Variants in APCDD1 observed in about 807,000 individuals in gnomAD.
APCDD1 encodes protein APCDD1.
In APCDD1, 15 loss-of-function variants were observed where a neutral mutation model predicts 38.1. The observed-to-expected ratio is 0.39, with a 90% CI of 0.26 to 0.61. APCDD1 has a LOEUF of 0.61. Among genes scored for constraint, APCDD1 ranks in the 20% least tolerant of loss-of-function variants. APCDD1 has a pLI of 0.49. For synonymous variants in APCDD1, 261 were observed against 279.7 expected (o/e 0.93, Z 0.67); for missense variants, 647 against 696.2 (o/e 0.93, Z 0.79).
chr18:10,454,706 G>C lies in APCDD1; in HGVS notation c.-276G>C. 3.0e-6 allele frequency: 3 copies of C among 983,972 alleles called. No homozygotes were observed. Among genetic ancestry groups the C allele is most frequent in the Non-Finnish European group, 3.6e-6 (3 of 829,936 alleles). 61.0% of individuals were successfully genotyped at this position (983,972 alleles called of 1,614,324 possible). A position where few individuals can be genotyped will look rare whatever the true frequency, so the allele number is the denominator to read the frequency against. On this transcript the variant is annotated 5_prime_UTR_variant, in exon 1 of 5. Coordinates refer to ENST00000355285, the MANE Select transcript of APCDD1 (RefSeq NM_153000.5). ...GAGCGGCGCACGCGGCGGCCGGGGCGGGACGCGGGGCCGGGCGCGGAGAAG... is the reference window on the plus strand; with the variant it reads ...GAGCGGCGCACGCGGCGGCCGGGGCCGGACGCGGGGCCGGGCGCGGAGAAG...
chr18:10,454,761 C>T lies in APCDD1; in HGVS notation c.-221C>T. On this transcript the variant is annotated 5_prime_UTR_variant, in exon 1 of 5. Transcript: ENST00000355285. ...GGCGGGCGGCAGAGAGGCCGGGACGCGGACCGGGCCGGGGCGCCCACAGCC... is the reference window on the plus strand; with the variant it reads ...GGCGGGCGGCAGAGAGGCCGGGACGTGGACCGGGCCGGGGCGCCCACAGCC... 1.0e-6 allele frequency: 1 copy of T among 980,324 alleles called. No individual in the cohort carries two copies. The highest frequency in any genetic ancestry group is 1.2e-6 in the Non-Finnish European group (1 of 828,032). The allele number at this position is 980,324 out of a possible 1,614,324, so 60.7% of individuals were successfully genotyped here. A position where few individuals can be genotyped will look rare whatever the true frequency, so the allele number is the denominator to read the frequency against.
Position 10,488,139 on chromosome 18 carries a change from G to T in APCDD1, c.*101G>T. 1 of 1,399,486 alleles carries T rather than the reference G, an allele frequency of 7.1e-7. No homozygotes were observed. The highest frequency in any genetic ancestry group is 2.4e-5 in the East Asian group (1 of 41,022). 86.7% of individuals were successfully genotyped at this position (1,399,486 alleles called of 1,614,324 possible). ...ATTTATTCTTTTGATGCACTTGAAT[G>T]CCAGAGAACTGTCCTTCTTTTTCTC... On this transcript the variant is annotated 3_prime_UTR_variant, in exon 5 of 5. Transcript: ENST00000355285.
chr18:10,459,318 A>G (rs2030468729), intron 1 of APCDD1, among the ~76,000 whole-genome samples: 4 of 146,690 alleles, frequency 2.7e-5, no homozygotes, highest in Non-Finnish European at 3.0e-5. Context: ...ACAAGCGTGC[A>G]CACACACACA....
chr18:10,480,003 T>A (rs2031098122), intron 3 of APCDD1, among the ~76,000 whole-genome samples: 1 of 152,220 alleles, frequency 6.6e-6, no homozygotes, highest in Non-Finnish European at 1.5e-5. Flanking sequence ...TGATGAAAGC[T>A]TTTTATAGTG....
At chr18:10,458,015 G>A (rs1020939317) in intron 1 of APCDD1, among the ~76,000 whole-genome samples, 3 of 152,212 alleles carry the variant, frequency 2.0e-5, no homozygotes, top group Admixed American at 2.0e-4. Flanking sequence ...TATGCAGCTG[G>A]AAGATGTCCA....
chr18:10,483,886 G>A (rs1422455863), intron 3 of APCDD1, among the ~76,000 whole-genome samples: 1 of 152,238 alleles, frequency 6.6e-6, no homozygotes, highest in Non-Finnish European at 1.5e-5. Flanking sequence ...CCCCTGGGTG[G>A]AAGGAGAATA....
rs762629902 is a variant in APCDD1 at position 10,471,651 on chromosome 18, C to T, written c.364C>T (p.Leu122Phe). The T allele has an allele frequency of 6.2e-6, 10 of 1,614,210 alleles. 1 individual carries two copies. In the South Asian group the frequency reaches 1.1e-4, roughly 18 times the overall value. ...CCGGTGCACAAATCCCACTTATACT[C>T]TCATCATCCGGGGCAAGATCCGCCT... Reference protein sequence around the residue: ...SNRCTNPTYTLIIRGKIRLRQ... With the variant: ...SNRCTNPTYTFIIRGKIRLRQ... The change falls in exon 3 of 5, where the codon CTC (leucine) becomes TTC (phenylalanine). Residue 122 changes from leucine (L) to phenylalanine (F), a missense_variant. By Grantham distance (22) the Leu-to-Phe change is conservative. Coordinates refer to ENST00000355285, the MANE Select transcript of APCDD1 (RefSeq NM_153000.5). This position sits in a 1 kb window ranked among gnomAD's most constrained non-coding sequence, Gnocchi z 5.5.
At chr18:10,460,590 C>G (rs1393913796) in intron 1 of APCDD1, among the ~76,000 whole-genome samples, 1 of 151,616 alleles carries the variant, frequency 6.6e-6, no homozygotes, top group Non-Finnish European at 1.5e-5. Flanking sequence ...AAATCAAGGA[C>G]TTGTACATGG....
Position 10,470,308 on chromosome 18 carries a change from C to T in APCDD1, c.243-1222C>T, listed in dbSNP as rs2030820318. ...ACTGCTTACACTAAACTTCTCTTTC[C>T]TTGTGGGAGAAATCTGGGGTGTTTG... is the stretch of plus-strand genomic sequence containing the variant. On this transcript the variant is annotated intron_variant, in intron 2 of 4. Coordinates refer to ENST00000355285, the MANE Select transcript of APCDD1 (RefSeq NM_153000.5). The surrounding 1 kb of genome is among the most constrained non-coding windows in gnomAD (Gnocchi z 4.1). Among the ~76,000 whole-genome samples the T allele has an allele frequency of 6.6e-6, 1 of 152,166 alleles. No individual in the cohort carries two copies. The highest frequency in any genetic ancestry group is 2.1e-4 in the South Asian group (1 of 4,832).
rs1253612457 is a variant in APCDD1, at chr18:10,475,138, G to C, written c.774+3077G>C. ...GCAAAGCTCCATCTCTCTTAACCTA[G>C]AGTAAGTCGCCCTTCTGGGCCAATG... On this transcript the variant is annotated intron_variant, in intron 3 of 4. Coordinates refer to ENST00000355285, the MANE Select transcript of APCDD1 (RefSeq NM_153000.5). The surrounding 1 kb of genome is among the most constrained non-coding windows in gnomAD (Gnocchi z 4.0). 6.6e-6 allele frequency among the ~76,000 whole-genome samples: 1 copy of C among 152,226 alleles called. No individual in the cohort carries two copies. Among genetic ancestry groups the C allele is most frequent in the African/African-American group, 2.4e-5 (1 of 41,448 alleles).
intron 3 of APCDD1, among the ~76,000 whole-genome samples, chr18:10,474,679 C>G (rs765726219): frequency 6.6e-6 from 1 of 152,188 alleles, no homozygotes; most frequent in South Asian, 2.1e-4. Flanking sequence ...CCTCTCTACC[C>G]CGTTGCACTC....
chr18:10,481,653 T>G (rs960547314), intron 3 of APCDD1, among the ~76,000 whole-genome samples: 1 of 150,202 alleles, frequency 6.7e-6, no homozygotes, highest in African/African-American at 2.5e-5. Context: ...TGGCAAATTC[T>G]ATGTTAGGTA....
chr18:10,480,407 C>G (rs1021705588), intron 3 of APCDD1, among the ~76,000 whole-genome samples: 2 of 152,182 alleles, frequency 1.3e-5, no homozygotes, highest in Non-Finnish European at 2.9e-5. Flanking sequence ...GTAGTTGTGC[C>G]TGTAGGTCTC....
Position 10,487,964 on chromosome 18 carries a change from A to G in APCDD1, c.1471A>G (p.Arg491Gly). ...GSSLYGRAPG[R>G]HTWSLLLAAL... ...CAGCCTGTATGGCCGGGCCCCTGGG[A>G]GGCACACCTGGTCCCTGCTGCTGGC... The change falls in exon 5 of 5, where the codon AGG (arginine) becomes GGG (glycine). Residue 491 changes from arginine (R) to glycine (G), a missense_variant. By Grantham distance (125) the Arg-to-Gly change is moderately radical. Coordinates refer to ENST00000355285, the MANE Select transcript of APCDD1 (RefSeq NM_153000.5). 1.2e-6 allele frequency: 2 copies of G among 1,613,820 alleles called. No individual in the cohort carries two copies. The highest frequency in any genetic ancestry group is 1.7e-6 in the Non-Finnish European group (2 of 1,179,992).
intron 1 of APCDD1, among the ~76,000 whole-genome samples, chr18:10,463,189 T>G (rs1046416422): frequency 6.6e-6 from 1 of 152,024 alleles, no homozygotes; most frequent in East Asian, 1.9e-4. Context: ...AGACCACTTC[T>G]GTTCCATATT....
chr18:10,459,232 T>TA (rs2030464730), intron 1 of APCDD1, among the ~76,000 whole-genome samples: 1 of 152,022 alleles, frequency 6.6e-6, no homozygotes, highest in Admixed American at 6.5e-5. Context: ...AGGGAAGAAA[T>TA]ACTGATTGTA....
chr18:10,468,538 C>G lies in APCDD1; in HGVS notation c.128C>G (p.Ala43Gly). Residue 43 changes from alanine (A) to glycine (G), a missense_variant, in exon 2 of 5, where the codon GCC (alanine) becomes GGC (glycine). Transcript: ENST00000355285. The part of the protein sequence containing the change: ...RSHPRSLEKS[A>G]WRAFKESQCH... ...CATCCTAGGTCCTTAGAGAAAAGTG[C>G]CTGGAGGGCTTTTAAGGAGTCACAG... The G allele has an allele frequency of 6.2e-7, 1 of 1,614,150 alleles. No individual in the cohort carries two copies. Among genetic ancestry groups the G allele is most frequent in the South Asian group, 1.1e-5 (1 of 91,080 alleles).
chr18:10,456,266 T>G (rs1318100248), intron 1 of APCDD1, among the ~76,000 whole-genome samples: 1 of 152,136 alleles, frequency 6.6e-6, no homozygotes, highest in East Asian at 1.9e-4. Context: ...ACAGTCGGGA[T>G]GGAAGGCTTG....
intron 1 of APCDD1, among the ~76,000 whole-genome samples, chr18:10,461,271 C>G (rs2030534804): frequency 6.6e-6 from 1 of 152,112 alleles, no homozygotes; most frequent in African/African-American, 2.4e-5. Context: ...CTAAAGCACA[C>G]AGGGCTTAAT....
Sources: gnomAD v4.1 joint callset for allele counts (sites outside exome capture counted in the v4.1 genomes callset) on GRCh38, gnomAD v4.1.1 for gene constraint, Gnocchi (gnomAD v3.1) non-coding constraint, MANE v1.5 for transcripts, NCBI Gene and HGNC (gene_info 2026-07-23, HGNC 2026-07-21) for gene names.